Variants in SCN1A observed in about 807,000 individuals in gnomAD.
SCN1A encodes the protein sodium voltage-gated channel alpha subunit 1.
In SCN1A, 13 loss-of-function variants were observed where a neutral mutation model predicts 193.7. The observed-to-expected ratio is 0.07, with a 90% CI of 0.04 to 0.11. The LOEUF is 0.11. Ranked by LOEUF, SCN1A falls within the 10% of genes least tolerant of loss-of-function variation. SCN1A has a pLI of 1.00. For missense variants in SCN1A, 1,432 were observed against 2,451.1 expected (o/e 0.58, Z 8.78); for synonymous variants, 781 against 843.6 (o/e 0.93, Z 1.29).
intron 2 of SCN1A, among the ~76,000 whole-genome samples, chr2:166,103,840 ATAT>A (rs1215639098): frequency 6.6e-6 from 1 of 152,242 alleles, no homozygotes; most frequent in Admixed American, 6.5e-5. Flanking sequence ...GTGAAAATAT[ATAT>A]TATTATCACT....
At chr2:166,138,372 T>C (rs1032473535) in intron 1 of SCN1A, among the ~76,000 whole-genome samples, 9 of 152,168 alleles carry the variant, frequency 5.9e-5, no homozygotes, top group African/African-American at 2.2e-4. Flanking sequence ...GATGAAAATG[T>C]GGTTTCATGG....
chr2:166,046,749 C>A lies in SCN1A; in HGVS notation c.1377+21G>T, dbSNP rs1485436874. ...AATCAGAACGATAAAAGGTCAGTGC[C>A]ATGAGACAGGGCAGCTTTACCTGAG... On this transcript the variant is annotated intron_variant, in intron 12 of 28. Transcript: ENST00000674923. 5 of 1,611,838 alleles carry A rather than the reference C, an allele frequency of 3.1e-6. No individual in the cohort carries two copies. The African/African-American group carries it at 4.0e-5, about 13-fold the overall frequency.
chr2:166,098,834 T>C (rs1169081306), intron 2 of SCN1A, among the ~76,000 whole-genome samples: 9 of 152,070 alleles, frequency 5.9e-5, no homozygotes, highest in Admixed American at 4.6e-4. Context: ...ACAAGAATTA[T>C]GAAACACTGA....
intron 2 of SCN1A, among the ~76,000 whole-genome samples, chr2:166,105,380 C>T (rs1294676324): frequency 6.6e-6 from 1 of 152,210 alleles, no homozygotes; most frequent in Non-Finnish European, 1.5e-5. Context: ...AATCAACCAA[C>T]AATTTTATGA....
chr2:166,046,493 A>C (rs941691908), intron 12 of SCN1A, among the ~76,000 whole-genome samples: 1 of 152,188 alleles, frequency 6.6e-6, no homozygotes, highest in Non-Finnish European at 1.5e-5. Flanking sequence ...CATTGAATAA[A>C]AGTCTCTCAC....
chr2:166,045,154 C>A lies in SCN1A; in HGVS notation c.1551G>T (p.Glu517Asp). ...CAGATTCAGATTTTTGGAATTCATC[C>A]TCATCTTTCTCTTCCCCACCAGACT... is the stretch of plus-strand genomic sequence containing the variant. ...KEQSGGEEKD[E>D]DEFQKSESED... Residue 517 changes from glutamate (E) to aspartate (D), a missense_variant, in exon 13 of 29, where the codon GAG (glutamate) becomes GAT (aspartate). This residue lies in a region of SCN1A where 316 missense variants were observed against 362.1 expected (regional missense o/e 0.87). Transcript: ENST00000674923. 6.2e-7 allele frequency: 1 copy of A among 1,614,084 alleles called. No homozygotes were observed. The highest frequency in any genetic ancestry group is 8.5e-7 in the Non-Finnish European group (1 of 1,180,010).
chr2:166,086,767 T>G (rs11890028), intron 2 of SCN1A, among the ~76,000 whole-genome samples: 37,293 of 152,130 alleles, frequency 0.25, 4,812 homozygotes, highest in Middle Eastern at 0.51. Flanking sequence ...GTCATGTGAA[T>G]TCAGTCATTC....
Position 165,992,470 on chromosome 2 carries a change from A to C in SCN1A, c.4853-48T>G. The C allele has an allele frequency of 6.2e-7, 1 of 1,606,154 alleles. No individual in the cohort carries two copies. The highest frequency in any genetic ancestry group is 8.5e-7 in the Non-Finnish European group (1 of 1,173,436). ...CCAACCAGTGAAGAAATCATGCGTT[A>C]AAATAAACATATGTTTCTTCTAAAG... On this transcript the variant is annotated intron_variant, in intron 28 of 28. Transcript: ENST00000674923. This position sits in a 1 kb window ranked among gnomAD's most constrained non-coding sequence, Gnocchi z 6.5.
chr2:166,103,014 A>G (rs1382363614), intron 2 of SCN1A, among the ~76,000 whole-genome samples: 8 of 152,084 alleles, frequency 5.3e-5, no homozygotes, highest in Non-Finnish European at 1.0e-4. Context: ...CTGTTTAAGA[A>G]TAAATTGTTT....
chr2:166,050,017 A>T (rs1698344309), intron 9 of SCN1A, among the ~76,000 whole-genome samples: 1 of 152,082 alleles, frequency 6.6e-6, no homozygotes, highest in Admixed American at 6.6e-5. Context: ...TCTGTACAGG[A>T]CACAGAAGCA....
chr2:165,999,135 G>T (rs1008778217), intron 25 of SCN1A: 2 of 151,472 alleles, frequency 1.3e-5, no homozygotes, highest in African/African-American at 4.8e-5. Context: ...AAATAAAATA[G>T]GTTTATATTT....
intron 1 of SCN1A, among the ~76,000 whole-genome samples, chr2:166,146,407 T>C (rs143307111): frequency 6.6e-6 from 1 of 152,380 alleles, no homozygotes; most frequent in Admixed American, 6.5e-5. Context: ...TTATTTATTA[T>C]GATGGAACTT....
intron 25 of SCN1A, among the ~76,000 whole-genome samples, chr2:165,999,271 T>G (rs568080601): frequency 2.6e-5 from 4 of 151,606 alleles, no homozygotes; most frequent in Admixed American, 2.6e-4. Flanking sequence ...AAAATAGGAT[T>G]ATTTGAAAGA....
At chr2:166,141,326 C>A (rs1462957890) in intron 1 of SCN1A, among the ~76,000 whole-genome samples, 3 of 139,260 alleles carry the variant, frequency 2.2e-5, no homozygotes, top group Admixed American at 1.5e-4. Flanking sequence ...TTTTTATCTT[C>A]TTTAGAATTC....
chr2:165,985,350 G>A (rs188493481), downstream of SCN1A: 1 of 149,258 alleles, frequency 6.7e-6, no homozygotes, highest in African/African-American at 2.5e-5. Flanking sequence ...GGGAGGTAAA[G>A]TAAGAAAAAG....
At chr2:166,140,497 T>C (rs1692036681) in intron 1 of SCN1A, among the ~76,000 whole-genome samples, 1 of 152,176 alleles carries the variant, frequency 6.6e-6, no homozygotes, top group South Asian at 2.1e-4. Context: ...TCTTCCTTCT[T>C]ACTTGTCTCA....
intron 25 of SCN1A, among the ~76,000 whole-genome samples, chr2:165,998,489 T>C (rs1363564896): frequency 6.6e-6 from 1 of 151,260 alleles, no homozygotes; most frequent in Non-Finnish European, 1.5e-5. Context: ...ATTTTAAAAT[T>C]ATTAATAAAA....
At chr2:166,126,563 C>T (rs1239637062) in intron 2 of SCN1A, 1 of 152,186 alleles carries the variant, frequency 6.6e-6, no homozygotes, top group Non-Finnish European at 1.5e-5. Flanking sequence ...TTCTGTCTGG[C>T]AACATCCTCT....
chr2:166,011,579 C>G (rs973079537), intron 22 of SCN1A, among the ~76,000 whole-genome samples: 4 of 151,176 alleles, frequency 2.6e-5, no homozygotes, highest in African/African-American at 9.7e-5. Flanking sequence ...TCCATATAAT[C>G]TACTATTTAA....
Sources: allele counts gnomAD v4.1 joint callset (sites outside exome capture counted in the v4.1 genomes callset), GRCh38; gene constraint gnomAD v4.1.1; regional missense constraint gnomAD v4.1.1; non-coding constraint Gnocchi (gnomAD v3.1); transcripts MANE v1.5; gene names NCBI Gene and HGNC (gene_info 2026-07-23, HGNC 2026-07-21).